The following MACROD2 variants were observed in gnomAD, a reference collection of about 807,000 sequenced individuals.
MACROD2 encodes the protein mono-ADP ribosylhydrolase 2, also known as ADP-ribose glycohydrolase MACROD2.
Under a neutral mutation model 70.4 loss-of-function variants are expected in MACROD2, and 36 were observed. The observed-to-expected ratio is 0.51, with a 90% confidence interval of 0.39 to 0.68. MACROD2 has a LOEUF of 0.68. Ranked by LOEUF, MACROD2 falls within the 30% of genes least tolerant of loss-of-function variation. The probability of loss-of-function intolerance (pLI) is 0.00; values close to 1 mark genes in which losing one functional copy is unlikely to be tolerated. For missense variants in MACROD2, 496 were observed against 538.4 expected, an observed-to-expected ratio of 0.92 and a Z score of 0.78; for synonymous variants, 172 against 178.8, an observed-to-expected ratio of 0.96 and a Z score of 0.30.
intron 5 of MACROD2, among the ~76,000 whole-genome samples, chr20:14,998,567 T>C (rs1390860426): frequency 1.3e-5 from 2 of 151,618 alleles, no homozygotes; most frequent in Non-Finnish European, 2.9e-5. Context: ...TATTTGAAAA[T>C]ACACAGTCAC....
At chr20:14,723,671 C>G (rs1348815515) in intron 5 of MACROD2, among the ~76,000 whole-genome samples, 1 of 151,176 alleles carries the variant, frequency 6.6e-6, no homozygotes, top group East Asian at 1.9e-4. Flanking sequence ...AGCTGAGTTT[C>G]CTCATGTACA....
chr20:15,672,913 A>G (rs1367148269), intron 8 of MACROD2, among the ~76,000 whole-genome samples: 1 of 152,130 alleles, frequency 6.6e-6, no homozygotes, highest in Middle Eastern at 3.2e-3. Flanking sequence ...GACAGTGAAT[A>G]GGTCTCATGA....
chr20:15,746,562 TAAAA>T (rs536288457), intron 8 of MACROD2, among the ~76,000 whole-genome samples: 1 of 107,082 alleles, frequency 9.3e-6, no homozygotes, highest in Admixed American at 9.9e-5. Context: ...TGGTTTCCAG[TAAAA>T]AAAAAAAAAA....
At chr20:15,052,083 A>G (rs369240733) in intron 5 of MACROD2, among the ~76,000 whole-genome samples, 1 of 151,930 alleles carries the variant, frequency 6.6e-6, no homozygotes, top group East Asian at 1.9e-4. Flanking sequence ...TCTTCAAGGA[A>G]TTTTCTTAAA....
rs552178975 is a variant in MACROD2, at chr20:14,656,331, C to T, written c.302-28512C>T. On this transcript the variant is annotated intron_variant, in intron 4 of 17. Transcript: ENST00000684519. ...CTAAGAAATTCATATAGCCAATTGG[C>T]GATCTCCTTATAGCCATTCTAACTT... 3.3e-5 allele frequency among the ~76,000 whole-genome samples: 5 copies of T among 152,274 alleles called. No homozygotes were observed. In the South Asian group the frequency reaches 8.3e-4, roughly 25 times the overall value.
chr20:14,514,122 A>G (rs1353073380), intron 4 of MACROD2, among the ~76,000 whole-genome samples: 1 of 151,988 alleles, frequency 6.6e-6, no homozygotes, highest in Non-Finnish European at 1.5e-5. Flanking sequence ...TTCTAGCCTC[A>G]TTACACTGTG....
chr20:14,689,831 A>T (rs533925128), intron 5 of MACROD2, among the ~76,000 whole-genome samples: 1 of 152,318 alleles, frequency 6.6e-6, no homozygotes, highest in African/African-American at 2.4e-5. Context: ...CCACTTTTAT[A>T]ACAGAGTACC....
chr20:14,077,905 T>A (rs1003788206), intron 2 of MACROD2, among the ~76,000 whole-genome samples: 3 of 150,534 alleles, frequency 2.0e-5, no homozygotes, highest in Admixed American at 2.0e-4. Context: ...TTTTTTTTTT[T>A]TTTTTTTCTT....
intron 5 of MACROD2, among the ~76,000 whole-genome samples, chr20:15,147,420 G>A (rs1204676205): frequency 9.5e-6 from 1 of 105,214 alleles, no homozygotes; most frequent in Non-Finnish European, 1.9e-5. Context: ...TGTGTAAAAC[G>A]GAGTTAGCAT....
intron 5 of MACROD2, among the ~76,000 whole-genome samples, chr20:14,759,240 A>G (rs2071983423): frequency 6.6e-6 from 1 of 152,142 alleles, no homozygotes; most frequent in Non-Finnish European, 1.5e-5. Context: ...CACTCTTCAT[A>G]TGCTTATGTA....
At chr20:15,951,250 A>G (rs1236274802) in intron 12 of MACROD2, among the ~76,000 whole-genome samples, 1 of 150,876 alleles carries the variant, frequency 6.6e-6, no homozygotes, top group African/African-American at 2.4e-5. Flanking sequence ...ACTCTTTTCT[A>G]ATGACATTTG....
At chr20:15,127,912 T>TA (rs2076078164) in intron 5 of MACROD2, among the ~76,000 whole-genome samples, 1 of 152,132 alleles carries the variant, frequency 6.6e-6, no homozygotes, top group South Asian at 2.1e-4. Flanking sequence ...TCCCTCTACT[T>TA]ACATTAATTT....
chr20:14,042,591 C>T (rs369187229), intron 2 of MACROD2, among the ~76,000 whole-genome samples: 21 of 152,242 alleles, frequency 1.4e-4, no homozygotes, highest in African/African-American at 5.1e-4. Context: ...CTGCAACCTC[C>T]GCCTCCTGGG....
intron 3 of MACROD2, among the ~76,000 whole-genome samples, chr20:14,357,909 A>T (rs904362889): frequency 2.0e-5 from 3 of 152,186 alleles, no homozygotes; most frequent in East Asian, 3.8e-4. Flanking sequence ...TCCCCAAAAA[A>T]CTTTGGAGCT....
chr20:15,588,820 T>C (rs1184817919), intron 8 of MACROD2, among the ~76,000 whole-genome samples: 1 of 152,202 alleles, frequency 6.6e-6, no homozygotes, highest in Admixed American at 6.5e-5. Flanking sequence ...GTCAAAGCCA[T>C]TCAACAAATC....
chr20:15,237,430 G>T (rs2077023279), intron 6 of MACROD2, among the ~76,000 whole-genome samples: 1 of 152,122 alleles, frequency 6.6e-6, no homozygotes, highest in South Asian at 2.1e-4. Flanking sequence ...TCATGCCCTT[G>T]TCTTTACATG....
chr20:14,883,909 C>A (rs1223443409), intron 5 of MACROD2, among the ~76,000 whole-genome samples: 3 of 151,770 alleles, frequency 2.0e-5, no homozygotes, highest in Admixed American at 6.6e-5. Context: ...TTTAAGCAAG[C>A]TTCTGGTTTT....
intron 5 of MACROD2, among the ~76,000 whole-genome samples, chr20:15,171,029 T>A (rs1843133701): frequency 6.6e-6 from 1 of 151,970 alleles, no homozygotes; most frequent in South Asian, 2.1e-4. Context: ...GACCCTAAGC[T>A]AGAGTAAAGT....
chr20:14,762,697 A>AGGTG (rs1438320655), intron 5 of MACROD2, among the ~76,000 whole-genome samples: 2 of 152,082 alleles, frequency 1.3e-5, no homozygotes, highest in Admixed American at 1.3e-4. Context: ...TGGGAGGCTG[A>AGGTG]GGTGGGTAGA....
Sources: gnomAD v4.1 joint callset for allele counts (sites outside exome capture counted in the v4.1 genomes callset) on GRCh38, gnomAD v4.1.1 for gene constraint, MANE v1.5 for transcripts, NCBI Gene and HGNC (gene_info 2026-07-23, HGNC 2026-07-21) for gene names.